MVB12B: variants seen among roughly 807,000 people sequenced by gnomAD.
MVB12B encodes the protein ESCRT-I complex subunit MVB12B.
A neutral mutation model predicts 41.6 loss-of-function variants in MVB12B; 16 were observed. The ratio of observed to expected loss-of-function variants is 0.38; its 90% CI spans 0.26 to 0.58. MVB12B has a LOEUF of 0.58. Among genes scored for constraint, MVB12B ranks in the 20% least tolerant of loss-of-function variants. MVB12B has a pLI of 0.62. For missense variants in MVB12B, 274 were observed against 380.2 expected (o/e 0.72, Z 2.32); for synonymous variants, 133 against 139.7 (o/e 0.95, Z 0.34).
rs557693105 is a variant in MVB12B, at chr9:126,376,700, G to C, written c.205-4364G>C. The C allele has an allele frequency of 1.6e-6, 2 of 1,267,296 alleles. No individual in the cohort carries two copies. The highest frequency in any genetic ancestry group is 2.1e-6 in the Non-Finnish European group (2 of 974,558). 78.5% of individuals were successfully genotyped at this position (1,267,296 alleles called of 1,614,324 possible). On this transcript the variant is annotated intron_variant, in intron 2 of 9. Transcript: ENST00000361171. The surrounding 1 kb of genome is among the most constrained non-coding windows in gnomAD (Gnocchi z 4.1). ...TACGCTTGGTTACTCAATTACCCTC[G>C]TTTCCACTCTGAAGTTGCACCTCCT...
chr9:126,494,241 C>T (rs932612016), intron 9 of MVB12B, among the ~76,000 whole-genome samples: 22 of 152,054 alleles, frequency 1.4e-4, no homozygotes, highest in East Asian at 7.7e-4. Flanking sequence ...CATATTAATA[C>T]GGTGGATTGT....
intron 7 of MVB12B, among the ~76,000 whole-genome samples, chr9:126,434,734 T>C (rs979046224): frequency 2.0e-5 from 3 of 152,260 alleles, no homozygotes; most frequent in Admixed American, 1.3e-4. Flanking sequence ...GTGCCTTTTG[T>C]AGGCCCAAGA....
At position 126,360,274 on chromosome 9, in the gene MVB12B, G is replaced by A. The variant is rs528888698; in HGVS notation, c.204+19644G>A. Reference sequence around the variant, plus strand: ...TAAGAATATATTCCGTGTGGTCAGAGAACATAGTTTTATGGCTTACAATAT... The same window carrying A: ...TAAGAATATATTCCGTGTGGTCAGAAAACATAGTTTTATGGCTTACAATAT... On this transcript the variant is annotated intron_variant, in intron 2 of 9. Transcript: ENST00000361171. 4.0e-3 allele frequency among the ~76,000 whole-genome samples: 604 copies of A among 152,278 alleles called. 7 individuals are homozygous for A. Among genetic ancestry groups the A allele is most frequent in the African/African-American group, 0.014 (576 of 41,548 alleles).
At chr9:126,498,999 C>G (rs1434812484) in intron 9 of MVB12B, among the ~76,000 whole-genome samples, 1 of 152,226 alleles carries the variant, frequency 6.6e-6, no homozygotes, top group Non-Finnish European at 1.5e-5. Flanking sequence ...GGTTCTGATG[C>G]ATAACCAGGG....
rs1235221734 is a variant in MVB12B, at chr9:126,376,493, C to T, written c.205-4571C>T. On this transcript the variant is annotated intron_variant, in intron 2 of 9. Coordinates refer to ENST00000361171, the MANE Select transcript of MVB12B (RefSeq NM_033446.3). This position sits in a 1 kb window ranked among gnomAD's most constrained non-coding sequence, Gnocchi z 4.1. ...TGGAGCCCTGTGGGTGGGGGGCCTGCTGGCTGGTGTGCTACACAGTGGGGC... is the reference window on the plus strand; with the variant it reads ...TGGAGCCCTGTGGGTGGGGGGCCTGTTGGCTGGTGTGCTACACAGTGGGGC... 7.8e-7 allele frequency: 1 copy of T among 1,288,634 alleles called. No homozygotes were observed. The highest frequency in any genetic ancestry group is 1.0e-6 in the Non-Finnish European group (1 of 988,474). 79.8% of individuals were successfully genotyped at this position (1,288,634 alleles called of 1,614,324 possible).
chr9:126,351,042 GTTC>G (rs1312757289), intron 2 of MVB12B, among the ~76,000 whole-genome samples: 2 of 151,352 alleles, frequency 1.3e-5, no homozygotes, highest in African/African-American at 4.8e-5. Context: ...TCATTTATTA[GTTC>G]TTCTTTCATT....
chr9:126,394,166 G>A (rs747349027), intron 5 of MVB12B, among the ~76,000 whole-genome samples: 1 of 152,200 alleles, frequency 6.6e-6, no homozygotes, highest in Non-Finnish European at 1.5e-5. Context: ...ATGTAAACAG[G>A]ACTACAGGAG....
chr9:126,396,241 A>G (rs149497186), intron 6 of MVB12B: 4 of 987,126 alleles, frequency 4.1e-6, no homozygotes, highest in Non-Finnish European at 4.8e-6. Flanking sequence ...GGGTGAGCCA[A>G]CTGTTTGCTC....
intron 7 of MVB12B, among the ~76,000 whole-genome samples, chr9:126,477,153 A>T (rs1833439290): frequency 6.6e-6 from 1 of 152,128 alleles, no homozygotes; most frequent in Non-Finnish European, 1.5e-5. Context: ...CAGGCGTATC[A>T]CATGGCCAGA....
rs753438946 is a variant in MVB12B at position 126,483,962 on chromosome 9, T to C, written c.814-11T>C. ...AGCTATTTAAAAGGGCAACTTCATCTGTGTTTTCAGATGCAGCCCTTTGAT... is the reference window on the plus strand; with the variant it reads ...AGCTATTTAAAAGGGCAACTTCATCCGTGTTTTCAGATGCAGCCCTTTGAT... On this transcript the variant is annotated splice_polypyrimidine_tract_variant and intron_variant, in intron 8 of 9. Coordinates refer to ENST00000361171, the MANE Select transcript of MVB12B (RefSeq NM_033446.3). The C allele has an allele frequency of 6.2e-7, 1 of 1,613,982 alleles. No homozygotes were observed.
intron 2 of MVB12B, among the ~76,000 whole-genome samples, chr9:126,360,376 A>G (rs1408272409): frequency 6.6e-6 from 1 of 152,170 alleles, no homozygotes; most frequent in East Asian, 1.9e-4. Flanking sequence ...TCCATTGTAT[A>G]TTATTATGTT....
intron 2 of MVB12B, among the ~76,000 whole-genome samples, chr9:126,357,673 C>T (rs1298402063): frequency 6.6e-6 from 1 of 150,942 alleles, no homozygotes; most frequent in Non-Finnish European, 1.5e-5. Context: ...ACCTGCTTTT[C>T]ACTGGGTTAT....
intron 3 of MVB12B, among the ~76,000 whole-genome samples, chr9:126,385,919 T>G (rs1217015457): frequency 6.6e-6 from 1 of 152,202 alleles, no homozygotes; most frequent in East Asian, 1.9e-4. Context: ...GAAAGATATT[T>G]GTACACCAGT....
At chr9:126,334,942 A>C (rs1829233203) in intron 1 of MVB12B, among the ~76,000 whole-genome samples, 1 of 152,236 alleles carries the variant, frequency 6.6e-6, no homozygotes, top group African/African-American at 2.4e-5. Context: ...TCTGAACCCT[A>C]GTCCTGCCTC....
chr9:126,502,644 G>A (rs938827158), intron 9 of MVB12B, among the ~76,000 whole-genome samples: 6 of 152,156 alleles, frequency 3.9e-5, no homozygotes, highest in African/African-American at 7.2e-5. Flanking sequence ...TGTGGATGGT[G>A]CCAGGGACAG....
chr9:126,421,945 T>A lies in MVB12B; in HGVS notation c.754T>A (p.Ser252Thr). ...CCAGCACTCCAATTTGTATGCCATA[T>A]CAGGTATGTGGAGCCACCGCTGCAG... ...EYQHSNLYAI[S>T]AMDGVPFMIS... is the part of the protein sequence containing the mutation. The change falls in exon 7 of 10, where the codon TCA (serine) becomes ACA (threonine). Residue 252 changes from serine to threonine, a missense_variant. Ser to Thr is a moderately conservative substitution (Grantham distance 58). Coordinates refer to ENST00000361171, the MANE Select transcript of MVB12B (RefSeq NM_033446.3). The A allele has an allele frequency of 1.2e-6, 2 of 1,612,590 alleles. No homozygotes were observed. Among genetic ancestry groups the A allele is most frequent in the Non-Finnish European group, 1.7e-6 (2 of 1,178,870 alleles).
At chr9:126,407,509 T>C (rs959345564) in intron 6 of MVB12B, among the ~76,000 whole-genome samples, 1 of 152,170 alleles carries the variant, frequency 6.6e-6, no homozygotes, top group Non-Finnish European at 1.5e-5. Context: ...TTAATAACCA[T>C]TATTTAGAAC....
rs1237958168 is a variant in MVB12B, at chr9:126,506,218, G to A, written c.*2955G>A. The A allele has an allele frequency of 6.5e-6, 1 of 152,690 alleles. No homozygotes were observed. The highest frequency in any genetic ancestry group is 1.9e-4 in the East Asian group (1 of 5,188). 9.5% of individuals were successfully genotyped at this position (152,690 alleles called of 1,614,324 possible). A position where few individuals can be genotyped will look rare whatever the true frequency, so the allele number is the denominator to read the frequency against. On this transcript the variant is annotated 3_prime_UTR_variant, in exon 10 of 10. Transcript: ENST00000361171. ...TGCAGGTCGGTGAGAGGACAAGAGGGACTCCCATGTTCTAAGCACCTGTTC... is the reference window on the plus strand; with the variant it reads ...TGCAGGTCGGTGAGAGGACAAGAGGAACTCCCATGTTCTAAGCACCTGTTC...
At chr9:126,350,575 G>C (rs1175943765) in intron 2 of MVB12B, among the ~76,000 whole-genome samples, 5 of 152,218 alleles carry the variant, frequency 3.3e-5, no homozygotes, top group African/African-American at 1.2e-4. Flanking sequence ...AGATTCAGCA[G>C]AGTCCCAAAA....
Sources: gnomAD v4.1 joint callset for allele counts (sites outside exome capture counted in the v4.1 genomes callset) on GRCh38, gnomAD v4.1.1 for gene constraint, Gnocchi (gnomAD v3.1) non-coding constraint, MANE v1.5 for transcripts, NCBI Gene and HGNC (gene_info 2026-07-23, HGNC 2026-07-21) for gene names.